The following LATS1 variants were observed in gnomAD, a reference collection of about 807,000 sequenced individuals.
LATS1 encodes the protein large tumor suppressor kinase 1.
A neutral mutation model predicts 106.6 loss-of-function variants in LATS1; 25 were observed. That is an observed-to-expected ratio of 0.23 (90% CI 0.17 to 0.33). LATS1 has a LOEUF of 0.33. LATS1 is among the 10% of genes least tolerant of loss of function. The pLI is 1.00. For synonymous variants in LATS1, 465 were observed against 455.6 expected (o/e 1.02, Z -0.26); for missense variants, 1,040 against 1,382.6 (o/e 0.75, Z 3.93).
In LATS1 at chr6:149,695,055, A is replaced by T. The variant is rs755028487; in HGVS notation, c.496+19T>A. On this transcript the variant is annotated intron_variant, in intron 3 of 7. Transcript: ENST00000543571. ...ACAGTAAAAGAAGAGATGAGAAAAT[A>T]AAATATTTGATTAATCACCTGGTTT... The T allele has an allele frequency of 6.4e-7, 1 of 1,561,224 alleles. No homozygotes were observed. The highest frequency in any genetic ancestry group is 2.1e-5 in the Admixed American group (1 of 47,950).
At chr6:149,705,292 T>C (rs2114980489) in intron 1 of LATS1, among the ~76,000 whole-genome samples, 1 of 152,340 alleles carries the variant, frequency 6.6e-6, no homozygotes, top group African/African-American at 2.4e-5. Flanking sequence ...CTAATGAGTT[T>C]TTCTAAGCTT....
At chr6:149,686,720 T>A (rs1782394216) in intron 3 of LATS1, among the ~76,000 whole-genome samples, 2 of 152,218 alleles carry the variant, frequency 1.3e-5, no homozygotes, top group South Asian at 4.1e-4. Context: ...TCATGCTATG[T>A]GGGAGGCCAC....
At chr6:149,667,960 G>GC (rs1031366249) in intron 7 of LATS1, among the ~76,000 whole-genome samples, 221 of 152,298 alleles carry the variant, frequency 1.5e-3, no homozygotes, top group African/African-American at 5.1e-3. Flanking sequence ...TCGGGCTGTC[G>GC]CCCCGGCTGG....
rs140136328 is a variant in LATS1, at chr6:149,662,098, T to C, written c.3024A>G (p.Pro1008=). ...KNGADEIKAH[P]FFKTIDFSSD... ...TGGAGAAGTCAATTGTTTTAAAAAATGGATGAGCTTTTATTTCATCAGCAC... is the reference window on the plus strand; with the variant it reads ...TGGAGAAGTCAATTGTTTTAAAAAACGGATGAGCTTTTATTTCATCAGCAC... The change falls in exon 8 of 8, where the codon CCA becomes CCG. Residue 1008 remains proline (P), a synonymous_variant. Coordinates refer to ENST00000543571, the MANE Select transcript of LATS1 (RefSeq NM_004690.4). The C allele has an allele frequency of 5.9e-4, 950 of 1,614,174 alleles. 2 individuals are homozygous for C. Among genetic ancestry groups the C allele is most frequent in the Middle Eastern group, 2.1e-3 (13 of 6,062 alleles).
Position 149,701,866 on chromosome 6 carries a change from T to A in LATS1, c.261A>T (p.Pro87=). 1.2e-6 allele frequency: 2 copies of A among 1,614,174 alleles called. No homozygotes were observed. The highest frequency in any genetic ancestry group is 1.6e-4 in the Middle Eastern group (1 of 6,062). ...GAGAAGAATTTGTTTCATTTGCAAA[T>A]GGAAGCAGAGAGTTTCGAATTTCCT... is the stretch of plus-strand genomic sequence containing the variant. ...ALQEIRNSLL[P]FANETNSSRS... is the part of the protein sequence containing the mutation. The change falls in exon 2 of 8, where the codon CCA becomes CCT. Residue 87 remains proline, a synonymous_variant. Coordinates refer to ENST00000543571, the MANE Select transcript of LATS1 (RefSeq NM_004690.4).
rs1780905279 is a variant in LATS1, at chr6:149,662,015, G to A, written c.3107C>T (p.Thr1036Ile). 3 of 1,614,130 alleles carry A rather than the reference G, an allele frequency of 1.9e-6. No individual in the cohort carries two copies. The highest frequency in any genetic ancestry group is 2.5e-6 in the Non-Finnish European group (3 of 1,180,014). The stretch of plus-strand genomic sequence containing the variant: ...AGGATCAACAGGATCAAAATTTGAT[G>A]TATCTGTTGGGTGTGTGATTTTAGG... ...YIPKITHPTD[T>I]SNFDPVDPDK... is the part of the protein sequence containing the mutation. The change falls in exon 8 of 8, where the codon ACA (threonine) becomes ATA (isoleucine). Residue 1036 changes from threonine (T) to isoleucine (I), a missense_variant. By Grantham distance (89) the Thr-to-Ile change is moderately conservative. This residue lies in a region of LATS1 where 113 missense variants were observed against 146.3 expected (regional missense o/e 0.77). Coordinates refer to ENST00000543571, the MANE Select transcript of LATS1 (RefSeq NM_004690.4).
chr6:149,672,714 G>A (rs1475568263), intron 7 of LATS1, among the ~76,000 whole-genome samples: 1 of 151,934 alleles, frequency 6.6e-6, no homozygotes, highest in Non-Finnish European at 1.5e-5. Context: ...GGGAGGCCGA[G>A]GTGGGTGGAC....
rs1195064738 is a variant in LATS1, at chr6:149,706,663, T to A, written c.-140-4397A>T. ...TAAGTCCCACATGCAATTACAAGTG[T>A]CCTTTTGAGAGGCAGAAGGAGGTCT... On this transcript the variant is annotated intron_variant, in intron 1 of 7. Transcript: ENST00000543571. 5.3e-5 allele frequency among the ~76,000 whole-genome samples: 8 copies of A among 152,134 alleles called. No individual in the cohort carries two copies. In the East Asian group the frequency reaches 5.8e-4, roughly 11 times the overall value.
intron 3 of LATS1, among the ~76,000 whole-genome samples, chr6:149,688,049 G>T (rs969537005): frequency 6.6e-6 from 1 of 150,872 alleles, no homozygotes; most frequent in African/African-American, 2.4e-5. Context: ...TAAGGTTTTT[G>T]TATTTTTAGT....
intron 1 of LATS1, among the ~76,000 whole-genome samples, chr6:149,715,850 C>T (rs1331384021): frequency 1.3e-5 from 2 of 152,138 alleles, no homozygotes; most frequent in African/African-American, 2.4e-5. Context: ...CAAATTATTA[C>T]TAGGCAAAAA....
rs1488319534 is a variant in LATS1 at position 149,680,392 on chromosome 6, G to A, written c.2076C>T (p.Tyr692=). ...RKMLCQKESN[Y]IRLKRAKMDK... is the part of the protein sequence containing the mutation. ...CCATTTTAGCCCTTTTAAGACGGAT[G>A]TAATTAGATTCTTTTTGGCAAAGCA... The change falls in exon 5 of 8, where the codon TAC becomes TAT. Residue 692 remains tyrosine, a synonymous_variant. Transcript: ENST00000543571. 10 of 1,613,634 alleles carry A rather than the reference G, an allele frequency of 6.2e-6. No homozygotes were observed. Among genetic ancestry groups the A allele is most frequent in the African/African-American group, 4.0e-5 (3 of 74,902 alleles).
chr6:149,699,630 GA>G (rs943622166), intron 2 of LATS1, among the ~76,000 whole-genome samples: 1 of 152,002 alleles, frequency 6.6e-6, no homozygotes, highest in Non-Finnish European at 1.5e-5. Flanking sequence ...GCACTTCAAT[GA>G]AAAAAAGCAC....
Position 149,661,805 on chromosome 6 carries a change from C to G in LATS1, c.3317G>C (p.Gly1106Ala), listed in dbSNP as rs376444726. 5.8e-5 allele frequency: 94 copies of G among 1,611,004 alleles called. No homozygotes were observed. Among genetic ancestry groups the G allele is most frequent in the Non-Finnish European group, 7.5e-5 (88 of 1,178,920 alleles). ...PIEYEYINSQ[G>A]SEQQSDEDDQ... is the part of the protein sequence containing the mutation. The stretch of plus-strand genomic sequence containing the variant: ...ATCTTCATCCGACTGCTGCTCTGAG[C>G]CTTGTGAATTAATGTATTCATATTC... Residue 1106 changes from glycine to alanine, a missense_variant, in exon 8 of 8, where the codon GGC (glycine) becomes GCC (alanine). By Grantham distance (60) the Gly-to-Ala change is moderately conservative. Coordinates refer to ENST00000543571, the MANE Select transcript of LATS1 (RefSeq NM_004690.4).
At chr6:149,681,311 T>C (rs904194086) in intron 4 of LATS1, among the ~76,000 whole-genome samples, 3 of 152,174 alleles carry the variant, frequency 2.0e-5, no homozygotes, top group Non-Finnish European at 2.9e-5. Context: ...AGAAATCCAG[T>C]TGGAAAAGTG....
chr6:149,708,276 G>A (rs944351977), intron 1 of LATS1, among the ~76,000 whole-genome samples: 5 of 152,004 alleles, frequency 3.3e-5, no homozygotes, highest in Admixed American at 6.6e-5. Flanking sequence ...TTAGCCGAGC[G>A]TGGTGGCAGG....
At chr6:149,671,265 C>G (rs972648171) in intron 7 of LATS1, among the ~76,000 whole-genome samples, 4 of 151,944 alleles carry the variant, frequency 2.6e-5, no homozygotes, top group African/African-American at 9.7e-5. Flanking sequence ...TCCCAAGTAG[C>G]TGGGATTACA....
In LATS1 at chr6:149,676,693, C is replaced by T. The variant is rs1368149459; in HGVS notation, c.2638G>A (p.Gly880Arg). Reference protein sequence around the residue: ...QDSMDFSNEWGDPSSCRCGDR... With the variant: ...QDSMDFSNEWRDPSSCRCGDR... ...CCACATCGACAGCTTGAGGGATCCC[C>T]CCATTCATTACTGAAATCCATGCTA... The change falls in exon 6 of 8, where the codon GGG becomes AGG. Residue 880 changes from glycine to arginine, a missense_variant. Coordinates refer to ENST00000543571, the MANE Select transcript of LATS1 (RefSeq NM_004690.4). 2 of 1,613,980 alleles carry T rather than the reference C, an allele frequency of 1.2e-6. No homozygotes were observed. The highest frequency in any genetic ancestry group is 3.3e-5 in the Admixed American group (2 of 59,988).
intron 7 of LATS1, among the ~76,000 whole-genome samples, chr6:149,674,569 T>A (rs1262412682): frequency 1.3e-5 from 2 of 151,856 alleles, no homozygotes; most frequent in African/African-American, 2.4e-5. Context: ...AGAGGGGGTT[T>A]CACCATGTTG....
rs1392255888 is a variant in LATS1 at position 149,680,274 on chromosome 6, C to T, written c.2194G>A (p.Ala732Thr). Residue 732 changes from alanine (A) to threonine (T), a missense_variant, in exon 5 of 8, where the codon GCA becomes ACA. Physicochemically the swap from Ala to Thr is moderately conservative, Grantham distance 58 (BLOSUM62 0). Around this residue, in one of 7 missense-constraint regions of LATS1, gnomAD observed 167 missense variants for 332.1 expected, o/e 0.50. Transcript: ENST00000543571. ...TCTTTCTTTCGAAGAGTTTTTGTTG[C>T]ATACAAAGCCTTAGTATCTACTTTT... ...ARKVDTKALYATKTLRKKDVL... is the reference protein window; with the variant it reads ...ARKVDTKALYTTKTLRKKDVL... The T allele has an allele frequency of 6.2e-7, 1 of 1,613,828 alleles. No homozygotes were observed. The highest frequency in any genetic ancestry group is 2.2e-5 in the East Asian group (1 of 44,878).
Sources: gnomAD v4.1 joint callset for allele counts (sites outside exome capture counted in the v4.1 genomes callset) on GRCh38, gnomAD v4.1.1 for gene constraint, gnomAD v4.1.1 regional missense constraint, MANE v1.5 for transcripts, NCBI Gene and HGNC (gene_info 2026-07-23, HGNC 2026-07-21) for gene names.